Variants in ANO3 observed in about 807,000 individuals in gnomAD.
The protein encoded by ANO3 is anoctamin-3.
ANO3 carries 99 observed loss-of-function variants against 144.8 expected under a neutral mutation model. That is an observed-to-expected ratio of 0.68 (90% CI 0.58 to 0.81). The LOEUF is 0.81. Among genes scored for constraint, ANO3 ranks in the 30% least tolerant of loss-of-function variants. ANO3 has a pLI of 0.00. For missense variants in ANO3, 905 were observed against 1,202.2 expected (o/e 0.75, Z 3.66); for synonymous variants, 414 against 392.6 (o/e 1.05, Z -0.64).
At chr11:26,561,891 AATT>A (rs1850308698) in intron 14 of ANO3, among the ~76,000 whole-genome samples, 1 of 151,936 alleles carries the variant, frequency 6.6e-6, no homozygotes, top group Non-Finnish European at 1.5e-5. Flanking sequence ...AGCAGTAACT[AATT>A]ATTAATTATA....
intron 1 of ANO3, among the ~76,000 whole-genome samples, chr11:26,389,091 C>T (rs1856810283): frequency 6.6e-6 from 1 of 152,078 alleles, no homozygotes; most frequent in Non-Finnish European, 1.5e-5. Context: ...GGCAATGAGT[C>T]CTTAGGATAA....
chr11:26,649,941 A>G (rs984548901), intron 24 of ANO3, among the ~76,000 whole-genome samples: 1 of 152,176 alleles, frequency 6.6e-6, no homozygotes, highest in Non-Finnish European at 1.5e-5. Context: ...CCTCTTCCAT[A>G]GCATTATTTG....
chr11:26,309,412 T>C (rs1237441037), upstream of ANO3, among the ~76,000 whole-genome samples: 3 of 152,190 alleles, frequency 2.0e-5, 1 homozygote, highest in South Asian at 4.1e-4. Context: ...TAAATCAGCT[T>C]GCATAACAGT....
At chr11:26,434,714 T>A (rs1051397383) in intron 1 of ANO3, among the ~76,000 whole-genome samples, 14 of 152,228 alleles carry the variant, frequency 9.2e-5, no homozygotes, top group African/African-American at 3.4e-4. Flanking sequence ...GTTGTTTAAT[T>A]TTCATGTAAT....
chr11:26,305,672 T>G (rs1450166313), upstream of ANO3, among the ~76,000 whole-genome samples: 2 of 152,176 alleles, frequency 1.3e-5, no homozygotes, highest in Admixed American at 1.3e-4. Flanking sequence ...CTTTCAGAGT[T>G]CTTCATTAAA....
rs1861881981 is a variant in ANO3 at position 26,516,814 on chromosome 11, C to T, written c.592-13C>T. On this transcript the variant is annotated splice_polypyrimidine_tract_variant and intron_variant, in intron 5 of 26. Transcript: ENST00000256737. ...ATTCTAAATAATGTTGCCTATCTTA[C>T]TATCATTTGCAGCCAGCTATTGCAA... The T allele has an allele frequency of 1.3e-6, 2 of 1,575,786 alleles. No homozygotes were observed. Among genetic ancestry groups the T allele is most frequent in the Non-Finnish European group, 1.7e-6 (2 of 1,148,212 alleles).
At chr11:26,475,970 C>G (rs1338161710) in intron 4 of ANO3, among the ~76,000 whole-genome samples, 2 of 152,068 alleles carry the variant, frequency 1.3e-5, no homozygotes, top group African/African-American at 4.8e-5. Context: ...GATAACTGGA[C>G]TCCTCCCCCC....
chr11:26,197,764 T>A (rs557466613), intron 1 of ANO3, among the ~76,000 whole-genome samples: 1 of 152,264 alleles, frequency 6.6e-6, no homozygotes, highest in Admixed American at 6.5e-5. Flanking sequence ...TTGTCAGCCT[T>A]CCCCTACCGC....
chr11:26,495,074 C>CATTTATTTATTTATTTATTT (rs56862775), intron 4 of ANO3, among the ~76,000 whole-genome samples: 1 of 143,396 alleles, frequency 7.0e-6, no homozygotes, highest in African/African-American at 2.6e-5. Context: ...TAAATATCTA[C>CATTTATTTATTTATTTATTT]ATTTATTTAT....
At chr11:26,206,928 G>A (rs1026463301) in intron 1 of ANO3, among the ~76,000 whole-genome samples, 1 of 152,122 alleles carries the variant, frequency 6.6e-6, no homozygotes, top group Non-Finnish European at 1.5e-5. Context: ...CAGGGATTAA[G>A]GGTTTTTAAA....
At chr11:26,264,058 G>T (rs1853254029) in intron 1 of ANO3, among the ~76,000 whole-genome samples, 1 of 152,116 alleles carries the variant, frequency 6.6e-6, no homozygotes, top group African/African-American at 2.4e-5. Flanking sequence ...ATTCTGTCCT[G>T]GGAAATTCTG....
At chr11:26,550,151 A>G (rs966493845) in intron 12 of ANO3, among the ~76,000 whole-genome samples, 5 of 151,814 alleles carry the variant, frequency 3.3e-5, no homozygotes, top group Non-Finnish European at 4.4e-5. Context: ...AAAATTATCA[A>G]CAGTATTAAC....
At position 26,289,713 on chromosome 11, in the gene ANO3, A is replaced by ATATGTGTATATATATTC. The variant is rs1564950756; in HGVS notation, c.155-19928_155-19912dup. ...TATTCTATATGTGTATATATATTCT[A>ATATGTGTATATATATTC]TATGTGTATATATATTCTATATGTG... is the stretch of plus-strand genomic sequence containing the variant. On this transcript the variant is annotated intron_variant, in intron 1 of 27. Coordinates refer to the ANO3 transcript ENST00000672621. Among the ~76,000 whole-genome samples, 672 of 137,678 alleles carry ATATGTGTATATATATTC rather than the reference A, an allele frequency of 4.9e-3. 19 individuals carry two copies. Among genetic ancestry groups the ATATGTGTATATATATTC allele is most frequent in the African/African-American group, 0.018 (636 of 34,658 alleles). 90.3% of individuals were successfully genotyped at this position (137,678 alleles called of 152,430 possible). A position where few individuals can be genotyped will look rare whatever the true frequency, so the allele number is the denominator to read the frequency against.
At chr11:26,269,441 T>TG (rs962467456) in intron 1 of ANO3, among the ~76,000 whole-genome samples, 1 of 152,210 alleles carries the variant, frequency 6.6e-6, no homozygotes, top group African/African-American at 2.4e-5. Flanking sequence ...CTCTCAGCAG[T>TG]GAGGTAACGC....
intron 14 of ANO3, among the ~76,000 whole-genome samples, chr11:26,597,012 G>A (rs1851649988): frequency 6.6e-6 from 1 of 152,232 alleles, no homozygotes; most frequent in Non-Finnish European, 1.5e-5. Flanking sequence ...GAGTCCAGCA[G>A]CCACGCTAAT....
At chr11:26,578,327 A>G (rs1280725331) in intron 14 of ANO3, among the ~76,000 whole-genome samples, 1 of 152,146 alleles carries the variant, frequency 6.6e-6, no homozygotes, top group African/African-American at 2.4e-5. Context: ...ATATGGTCCT[A>G]AAGCAGCAAT....
rs578043437 is a variant in ANO3, at chr11:26,225,452, A to G, written c.154+36122A>G. Among the ~76,000 whole-genome samples, 3 of 152,248 alleles carry G rather than the reference A, an allele frequency of 2.0e-5. No individual in the cohort carries two copies. In the South Asian group the frequency reaches 6.2e-4, roughly 32 times the overall value. On this transcript the variant is annotated intron_variant, in intron 1 of 27. Transcript: ENST00000672621. The stretch of plus-strand genomic sequence containing the variant: ...GTTATTTTTGTTAATTAGCTGCCTG[A>G]CACCCTCTTTCATGCATTTTTCCCT...
At chr11:26,525,221 A>C (rs993091061) in intron 6 of ANO3, among the ~76,000 whole-genome samples, 1 of 152,090 alleles carries the variant, frequency 6.6e-6, no homozygotes, top group African/African-American at 2.4e-5. Flanking sequence ...AGCAAATCAG[A>C]AGTATTTATT....
At chr11:26,626,938 T>C (rs1852606048) in intron 18 of ANO3, among the ~76,000 whole-genome samples, 1 of 152,168 alleles carries the variant, frequency 6.6e-6, no homozygotes, top group African/African-American at 2.4e-5. Context: ...CCTTTTTCTA[T>C]GTCATCCAGT....
Sources: gnomAD v4.1 joint callset for allele counts (sites outside exome capture counted in the v4.1 genomes callset) on GRCh38, gnomAD v4.1.1 for gene constraint, MANE v1.5 for transcripts, NCBI Gene and HGNC (gene_info 2026-07-23, HGNC 2026-07-21) for gene names.